The following SPTA1 variants were observed in gnomAD, a reference collection of about 807,000 sequenced individuals.
SPTA1 encodes the protein spectrin alpha chain, erythrocytic 1.
Under a neutral mutation model 324.7 loss-of-function variants are expected in SPTA1, and 177 were observed. The observed-to-expected ratio is 0.55, with a 90% confidence interval of 0.48 to 0.62. The LOEUF (loss-of-function observed/expected upper bound fraction) is 0.62. Among genes scored for constraint, SPTA1 ranks in the 20% least tolerant of loss-of-function variants. The pLI is 0.00. For missense variants in SPTA1, 3,162 were observed against 2,883.6 expected (o/e 1.10, Z -2.21); for synonymous variants, 1,195 against 1,041.3 (o/e 1.15, Z -2.84).
intron 33 of SPTA1, among the ~76,000 whole-genome samples, chr1:158,641,547 A>G (rs1651573107): frequency 6.6e-6 from 1 of 152,248 alleles, no homozygotes; most frequent in Non-Finnish European, 1.5e-5. Context: ...CAGCCAAAAG[A>G]CACATGAAAA....
At chr1:158,651,110 T>C (rs1652393624) in intron 24 of SPTA1, among the ~76,000 whole-genome samples, 2 of 152,174 alleles carry the variant, frequency 1.3e-5, no homozygotes, top group South Asian at 2.1e-4. Context: ...ATCCATGAAA[T>C]GACATATGTG....
Position 158,611,189 on chromosome 1 carries a change from T to G in SPTA1, c.*75A>C. On this transcript the variant is annotated 3_prime_UTR_variant, in exon 52 of 52. Coordinates refer to ENST00000643759, the MANE Select transcript of SPTA1 (RefSeq NM_003126.4). ...CACGAGGCCATCTTTATCTTCCACA[T>G]TTGCCTGTACTCTTTGCCCCCCAGT... 1 of 1,521,106 alleles carries G rather than the reference T, an allele frequency of 6.6e-7. No homozygotes were observed. The highest frequency in any genetic ancestry group is 2.4e-5 in the East Asian group (1 of 42,206). 94.2% of individuals were successfully genotyped at this position (1,521,106 alleles called of 1,614,324 possible).
At position 158,676,246 on chromosome 1, in the gene SPTA1, G is replaced by A. The variant is rs2101929378; in HGVS notation, c.1007C>T (p.Ser336Leu). 1 of 1,613,764 alleles carries A rather than the reference G, an allele frequency of 6.2e-7. No individual in the cohort carries two copies. The highest frequency in any genetic ancestry group is 8.5e-7 in the Non-Finnish European group (1 of 1,179,792). ...KAEKLTLSHPSDAPQIQEMKE... is the reference protein window; with the variant it reads ...KAEKLTLSHPLDAPQIQEMKE... ...CATCTCCTGGATCTGAGGTGCATCTGAAGGATGGGAAAGTGTCAGCTTCTC... is the reference window on the plus strand; with the variant it reads ...CATCTCCTGGATCTGAGGTGCATCTAAAGGATGGGAAAGTGTCAGCTTCTC... The change falls in exon 8 of 52, where the codon TCA becomes TTA. Residue 336 changes from serine to leucine, a missense_variant. Ser to Leu is a moderately radical substitution (Grantham distance 145). Transcript: ENST00000643759.
In SPTA1 at chr1:158,674,639, T is replaced by C; in HGVS notation, c.1149A>G (p.Ser383=). The change falls in exon 9 of 52, where the codon TCA becomes TCG. Residue 383 remains serine (S), a synonymous_variant. Coordinates refer to ENST00000643759, the MANE Select transcript of SPTA1 (RefSeq NM_003126.4). Reference sequence around the variant, plus strand: ...CAGCAGTCTTCTCGTTCATCCAGCCTGAGAGTTCATCAAAGTCAGATGAAA... The same window carrying C: ...CAGCAGTCTTCTCGTTCATCCAGCCCGAGAGTTCATCAAAGTCAGATGAAA... The part of the protein sequence containing the change: ...HRFSSDFDEL[S]GWMNEKTAAI... 6.2e-7 allele frequency: 1 copy of C among 1,613,910 alleles called. No homozygotes were observed.
At chr1:158,648,403 A>G in intron 26 of SPTA1, 106 bp downstream of exon 26, 1 of 1,492,270 alleles carries the variant, frequency 6.7e-7, no homozygotes. Context: ...AACAGAGAGA[A>G]ATATAAGAAT....
rs1649236047 is a variant in SPTA1 at position 158,611,198 on chromosome 1, A to G, written c.*66T>C. ...ATCTTTATCTTCCACATTTGCCTGT[A>G]CTCTTTGCCCCCCAGTAAATTTCCC... On this transcript the variant is annotated 3_prime_UTR_variant, in exon 52 of 52. Coordinates refer to ENST00000643759, the MANE Select transcript of SPTA1 (RefSeq NM_003126.4). The G allele has an allele frequency of 6.3e-7, 1 of 1,592,702 alleles. No homozygotes were observed. Among genetic ancestry groups the G allele is most frequent in the South Asian group, 1.1e-5 (1 of 90,426 alleles).
intron 39 of SPTA1, among the ~76,000 whole-genome samples, chr1:158,628,321 A>G (rs920263483): frequency 2.0e-5 from 3 of 152,050 alleles, no homozygotes; most frequent in Non-Finnish European, 2.9e-5. Flanking sequence ...CACCACCATG[A>G]CCACCCACCA....
At chr1:158,621,227 TA>T (rs11299427) in intron 43 of SPTA1, among the ~76,000 whole-genome samples, 50,264 of 152,020 alleles carry the variant, frequency 0.33, 8,686 homozygotes, top group African/African-American at 0.43. Context: ...AATATACTTT[TA>T]TACTTAAAAT....
At chr1:158,612,398 C>G (rs1456571246) in intron 51 of SPTA1, 2 of 243,788 alleles carry the variant, frequency 8.2e-6, no homozygotes, top group Non-Finnish European at 1.6e-5. Flanking sequence ...CATCTTTGTT[C>G]CCATGACAGA....
chr1:158,660,692 G>A (rs557246480), intron 18 of SPTA1, among the ~76,000 whole-genome samples: 38 of 152,166 alleles, frequency 2.5e-4, no homozygotes, highest in Non-Finnish European at 5.0e-4. Flanking sequence ...CTAGATACTG[G>A]TTGGCATCAA....
At chr1:158,657,719 G>A (rs2101879531) in intron 18 of SPTA1, 25 bp from the exon 19 acceptor site, 3 of 1,607,274 alleles carry the variant, frequency 1.9e-6, no homozygotes, top group African/African-American at 1.3e-5. Flanking sequence ...TAGAAAAGGT[G>A]AGTATGATCC....
chr1:158,626,013 A>C, intron 42 of SPTA1, 133 bp downstream of exon 42: 1 of 688,002 alleles, frequency 1.5e-6, no homozygotes, highest in South Asian at 1.9e-5. Context: ...TTAGGAAATT[A>C]TTAATATTAA....
intron 49 of SPTA1, 55 bp downstream of exon 49, chr1:158,614,198 T>A (rs1010535432): frequency 1.5e-6 from 2 of 1,315,678 alleles, no homozygotes; most frequent in African/African-American, 1.5e-5. Context: ...ATTTGTAGAC[T>A]CATTCTGAAT....
rs375614146 is a variant in SPTA1 at position 158,674,558 on chromosome 1, G to A, written c.1230C>T (p.Asp410=). 1 of 1,614,100 alleles carries A rather than the reference G, an allele frequency of 6.2e-7. No homozygotes were observed. The highest frequency in any genetic ancestry group is 8.5e-7 in the Non-Finnish European group (1 of 1,179,998). ...TCTCTACCTTATGCTGCTGATGCCTGTCCAGCAGAACTTCTCCACCAGCCA... is the reference window on the plus strand; with the variant it reads ...TCTCTACCTTATGCTGCTGATGCCTATCCAGCAGAACTTCTCCACCAGCCA... ...TDVAGGEVLL[D]RHQQHKHEID... Residue 410 remains aspartate (D), a synonymous_variant, in exon 9 of 52, where the codon GAC becomes GAT. Coordinates refer to ENST00000643759, the MANE Select transcript of SPTA1 (RefSeq NM_003126.4).
Position 158,619,126 on chromosome 1 carries a change from C to G in SPTA1, c.6530+96G>C, listed in dbSNP as rs7553252. ...GGGATTTTAGGGCAGAATACATGCTCTCAGAGTCTCTCCTCTTCCCTTCAA... is the reference window on the plus strand; with the variant it reads ...GGGATTTTAGGGCAGAATACATGCTGTCAGAGTCTCTCCTCTTCCCTTCAA... On this transcript the variant is annotated intron_variant, in intron 45 of 51. Coordinates refer to ENST00000643759, the MANE Select transcript of SPTA1 (RefSeq NM_003126.4). The G allele has an allele frequency of 0.3, 358,927 of 1,185,606 alleles. 56,234 individuals carry two copies. The highest frequency in any genetic ancestry group is 0.46 in the African/African-American group (30,856 of 66,528). The allele number at this position is 1,185,606 out of a possible 1,614,324, so 73.4% of individuals were successfully genotyped here. A position where few individuals can be genotyped will look rare whatever the true frequency, so the allele number is the denominator to read the frequency against.
intron 18 of SPTA1, 87 bp downstream of exon 18, chr1:158,661,200 T>G: frequency 6.3e-7 from 1 of 1,598,962 alleles, no homozygotes. Context: ...ATTTTTAAAT[T>G]CCCTTGAAAC....
Position 158,630,363 on chromosome 1 carries a change from T to C in SPTA1, c.5566-2640A>G, listed in dbSNP as rs544065439. ...CCATGTATATGTAGTTAACTGGTCT[T>C]TGACAAGGGTGCCAAAAATATACAA... On this transcript the variant is annotated intron_variant, in intron 39 of 51. Coordinates refer to ENST00000643759, the MANE Select transcript of SPTA1 (RefSeq NM_003126.4). Among the ~76,000 whole-genome samples, 4 of 152,194 alleles carry C rather than the reference T, an allele frequency of 2.6e-5. No homozygotes were observed. In the South Asian group the frequency reaches 8.3e-4, roughly 32 times the overall value.
At chr1:158,625,891 T>C (rs1179885890) in intron 42 of SPTA1, among the ~76,000 whole-genome samples, 1 of 151,638 alleles carries the variant, frequency 6.6e-6, no homozygotes, top group Non-Finnish European at 1.5e-5. Context: ...TTTAATGGAA[T>C]AGAATACACA....
intron 25 of SPTA1, 132 bp downstream of exon 25, chr1:158,649,724 C>A: frequency 1.3e-6 from 1 of 765,338 alleles, no homozygotes; most frequent in Non-Finnish European, 2.2e-6. Context: ...ACTAAAAAAC[C>A]TAATTTTCTA....
Sources: gnomAD v4.1 joint callset for allele counts (sites outside exome capture counted in the v4.1 genomes callset) on GRCh38, gnomAD v4.1.1 for gene constraint, MANE v1.5 for transcripts, NCBI Gene and HGNC (gene_info 2026-07-23, HGNC 2026-07-21) for gene names.